The following MLLT10 variants were observed in gnomAD, a reference collection of about 807,000 sequenced individuals.
The protein encoded by MLLT10 is MLLT10 histone lysine methyltransferase DOT1L cofactor.
MLLT10 carries 30 observed loss-of-function variants against 129.1 expected under a neutral mutation model. That is an observed-to-expected ratio of 0.23 (90% CI 0.17 to 0.32). The LOEUF (loss-of-function observed/expected upper bound fraction) is 0.32. Among genes scored for constraint, MLLT10 ranks in the 10% least tolerant of loss-of-function variants. MLLT10 has a pLI of 1.00. For synonymous variants in MLLT10, 490 were observed against 446.4 expected, an observed-to-expected ratio of 1.10 and a Z score of -1.23; for missense variants, 1,119 against 1,268.3, an observed-to-expected ratio of 0.88 and a Z score of 1.79.
intron 6 of MLLT10, among the ~76,000 whole-genome samples, chr10:21,613,887 C>G (rs2044936673): frequency 6.6e-6 from 1 of 151,090 alleles, no homozygotes; most frequent in African/African-American, 2.4e-5. Context: ...GCCTGGGTGA[C>G]AGAATGAGGC....
intron 17 of MLLT10, among the ~76,000 whole-genome samples, chr10:21,731,309 TCTC>T (rs2057950631): frequency 6.6e-6 from 1 of 152,214 alleles, no homozygotes; most frequent in South Asian, 2.1e-4. Flanking sequence ...AGTTCTTTAA[TCTC>T]CTATTTTTAC....
chr10:21,718,141 G>A (rs572356227), intron 14 of MLLT10, among the ~76,000 whole-genome samples: 15 of 152,012 alleles, frequency 9.9e-5, no homozygotes, highest in East Asian at 3.9e-4. Context: ...CACTGCGCCC[G>A]GCCTCTATTT....
intron 8 of MLLT10, among the ~76,000 whole-genome samples, chr10:21,631,306 T>C (rs1589331456): frequency 2.0e-5 from 2 of 99,674 alleles, no homozygotes; most frequent in African/African-American, 4.3e-5. Flanking sequence ...AGAGCAAGAC[T>C]CCGTCTCAAA....
intron 13 of MLLT10, among the ~76,000 whole-genome samples, chr10:21,699,889 A>T (rs1015881363): frequency 6.6e-6 from 1 of 152,120 alleles, no homozygotes; most frequent in Non-Finnish European, 1.5e-5. Context: ...AAATGTTAGA[A>T]TTGTTTTTTC....
intron 11 of MLLT10, among the ~76,000 whole-genome samples, chr10:21,680,101 G>T (rs980826768): frequency 2.0e-5 from 3 of 152,048 alleles, no homozygotes; most frequent in Non-Finnish European, 2.9e-5. Context: ...GCTTTTATTA[G>T]TGTTTTATTC....
At position 21,568,312 on chromosome 10, in the gene MLLT10, T is replaced by G. The variant is rs75783841; in HGVS notation, c.241-17982T>G. Reference sequence around the variant, plus strand: ...CCTTTCAGAGAAAATTCGTTTTATTTATAATATTCACATTTTAAATTTGTA... The same window carrying G: ...CCTTTCAGAGAAAATTCGTTTTATTGATAATATTCACATTTTAAATTTGTA... On this transcript the variant is annotated intron_variant, in intron 3 of 22. Transcript: ENST00000307729. Among the ~76,000 whole-genome samples the G allele has an allele frequency of 8.8e-3, 1,335 of 152,352 alleles. 13 individuals are homozygous for G. Among genetic ancestry groups the G allele is most frequent in the Non-Finnish European group, 0.013 (892 of 68,038 alleles).
chr10:21,742,053 T>G lies in MLLT10; in HGVS notation c.*70T>G. On this transcript the variant is annotated 3_prime_UTR_variant, in exon 23 of 23. Transcript: ENST00000307729. ...CTTCATCTGGCTGCCTTTGCAGTCC[T>G]TTTACTACAGCTATGAAGAAACGCA... is the stretch of plus-strand genomic sequence containing the variant. 2 of 1,378,084 alleles carry G rather than the reference T, an allele frequency of 1.5e-6. No individual in the cohort carries two copies. Among genetic ancestry groups the G allele is most frequent in the Non-Finnish European group, 2.1e-6 (2 of 975,516 alleles). The allele number at this position is 1,378,084 out of a possible 1,614,324, so 85.4% of individuals were successfully genotyped here. A position where few individuals can be genotyped will look rare whatever the true frequency, so the allele number is the denominator to read the frequency against.
At chr10:21,605,980 A>G (rs371123844) in intron 5 of MLLT10, among the ~76,000 whole-genome samples, 5 of 152,036 alleles carry the variant, frequency 3.3e-5, no homozygotes, top group East Asian at 1.9e-4. Flanking sequence ...AAGCAAGTCT[A>G]TCGGTTTCAT....
chr10:21,655,275 G>A (rs890763041), intron 9 of MLLT10, among the ~76,000 whole-genome samples: 1 of 152,170 alleles, frequency 6.6e-6, no homozygotes, highest in African/African-American at 2.4e-5. Flanking sequence ...AAGACTGACA[G>A]TAATGTAGGT....
chr10:21,742,013 C>T lies in MLLT10; in HGVS notation c.*30C>T, dbSNP rs764250942. ...TGAGAAACATCTAGAAATTGCCTAT[C>T]CTGCTGTTCTAGCACTTCATCTGGC... On this transcript the variant is annotated 3_prime_UTR_variant, in exon 23 of 23. Coordinates refer to ENST00000307729, the MANE Select transcript of MLLT10 (RefSeq NM_001195626.3). 117 of 1,609,166 alleles carry T rather than the reference C, an allele frequency of 7.3e-5. No homozygotes were observed. In the African/African-American group the frequency reaches 1.4e-3, roughly 20 times the overall value.
At chr10:21,620,104 A>G (rs1483042215) in intron 8 of MLLT10, among the ~76,000 whole-genome samples, 2 of 151,570 alleles carry the variant, frequency 1.3e-5, no homozygotes, top group Non-Finnish European at 2.9e-5. Flanking sequence ...TAATTTTTGT[A>G]TTTTTAGTAG....
chr10:21,666,683 AAG>A (rs1252744798), intron 9 of MLLT10, among the ~76,000 whole-genome samples: 3 of 152,000 alleles, frequency 2.0e-5, no homozygotes, highest in African/African-American at 4.8e-5. Context: ...ATAAATAAAA[AAG>A]TAAAATAATG....
intron 12 of MLLT10, among the ~76,000 whole-genome samples, chr10:21,681,918 G>A (rs1248000970): frequency 1.3e-5 from 2 of 151,980 alleles, no homozygotes; most frequent in Non-Finnish European, 2.9e-5. Context: ...AAGACATTAC[G>A]TTGACATAAA....
intron 16 of MLLT10, among the ~76,000 whole-genome samples, chr10:21,729,334 T>C (rs900765499): frequency 6.6e-6 from 1 of 152,164 alleles, no homozygotes; most frequent in African/African-American, 2.4e-5. Flanking sequence ...TTAATATAGT[T>C]TTTCCTTTTC....
At chr10:21,717,903 C>CCTT (rs2056851414) in intron 14 of MLLT10, among the ~76,000 whole-genome samples, 2 of 146,134 alleles carry the variant, frequency 1.4e-5, no homozygotes, top group Non-Finnish European at 3.0e-5. Context: ...TCCTCCTCCT[C>CCTT]CTCCTCCTTC....
Position 21,733,887 on chromosome 10 carries a change from C to T in MLLT10, c.2616C>T (p.Gly872=), listed in dbSNP as rs563909825. The T allele has an allele frequency of 3.1e-6, 5 of 1,614,146 alleles. No individual in the cohort carries two copies. In the East Asian group the frequency reaches 6.7e-5, roughly 22 times the overall value. Residue 872 remains glycine, a synonymous_variant, in exon 20 of 23, where the codon GGC becomes GGT. Transcript: ENST00000307729. ...SGVSGVQQVN[G]VTVGALASGM... is the part of the protein sequence containing the mutation. The stretch of plus-strand genomic sequence containing the variant: ...TGAGTGGAGTTCAGCAGGTCAATGG[C>T]GTGACAGTGGGGGCACTAGCTAGTG...
chr10:21,555,758 C>T (rs2037841299), intron 3 of MLLT10, among the ~76,000 whole-genome samples: 1 of 150,644 alleles, frequency 6.6e-6, no homozygotes, highest in Non-Finnish European at 1.5e-5. Context: ...ACCTCTGCCT[C>T]CCGGGTTCAA....
intron 8 of MLLT10, among the ~76,000 whole-genome samples, chr10:21,638,222 C>T (rs958304938): frequency 5.5e-5 from 7 of 126,296 alleles, no homozygotes; most frequent in Non-Finnish European, 1.1e-4. Context: ...CTTTGTGGAC[C>T]GCATTTAGTC....
At chr10:21,618,366 G>T (rs1465614591) in intron 8 of MLLT10, among the ~76,000 whole-genome samples, 1 of 151,794 alleles carries the variant, frequency 6.6e-6, no homozygotes, top group African/African-American at 2.4e-5. Flanking sequence ...ATTCGGGCCT[G>T]GTGGTGGTTG....
Sources: allele counts gnomAD v4.1 joint callset (sites outside exome capture counted in the v4.1 genomes callset), GRCh38; gene constraint gnomAD v4.1.1; transcripts MANE v1.5; gene names NCBI Gene and HGNC (gene_info 2026-07-23, HGNC 2026-07-21).